Variants in INPP5A observed in about 807,000 individuals in gnomAD.
The protein encoded by INPP5A is 43 kDa inositol polyphosphate 5-phophatase.
In INPP5A, 14 loss-of-function variants were observed where a neutral mutation model predicts 65.2. That is an observed-to-expected ratio of 0.21 (90% confidence interval 0.14 to 0.34). The LOEUF is 0.34. Among genes scored for constraint, INPP5A ranks in the 10% least tolerant of loss-of-function variants. The pLI, the probability that INPP5A is intolerant of heterozygous loss-of-function variation, is 1.00. For synonymous variants in INPP5A, 207 were observed against 208.3 expected, an observed-to-expected ratio of 0.99 and a Z score of 0.05; for missense variants, 431 against 545.6, an observed-to-expected ratio of 0.79 and a Z score of 2.09.
Position 132,618,880 on chromosome 10 carries a change from T to C in INPP5A, c.117+10924T>C, listed in dbSNP as rs754351347. Among the ~76,000 whole-genome samples the C allele has an allele frequency of 2.6e-5, 4 of 152,204 alleles. 1 individual carries two copies. The highest frequency in any genetic ancestry group is 2.0e-4 in the Admixed American group (3 of 15,276). On this transcript the variant is annotated intron_variant, in intron 2 of 15. Coordinates refer to ENST00000368594, the MANE Select transcript of INPP5A (RefSeq NM_005539.5). Reference sequence around the variant, plus strand: ...AAGAACTCACTTATCACCAAGGGGATGGCCCAGTCCATTCAGGAGGCATCT... The same window carrying C: ...AAGAACTCACTTATCACCAAGGGGACGGCCCAGTCCATTCAGGAGGCATCT...
At chr10:132,613,732 C>A (rs1053437203) in intron 2 of INPP5A, among the ~76,000 whole-genome samples, 4 of 152,196 alleles carry the variant, frequency 2.6e-5, no homozygotes, top group Admixed American at 2.6e-4. Flanking sequence ...TGAGGGGCCT[C>A]GGGCTGGTGG....
chr10:132,749,951 C>T (rs982609451), intron 11 of INPP5A, 106 bp downstream of exon 11: 5 of 975,982 alleles, frequency 5.1e-6, no homozygotes, highest in Non-Finnish European at 8.2e-6. Context: ...TTGTCCCTGC[C>T]ACCTCCAGGA....
At chr10:132,635,672 C>T (rs112865347) in intron 2 of INPP5A, among the ~76,000 whole-genome samples, 3 of 151,902 alleles carry the variant, frequency 2.0e-5, no homozygotes, top group Non-Finnish European at 2.9e-5. Flanking sequence ...TGGGATTACA[C>T]GCATGAGCCA....
intron 12 of INPP5A, among the ~76,000 whole-genome samples, chr10:132,770,930 G>A (rs1012585731): frequency 2.0e-5 from 3 of 152,264 alleles, no homozygotes; most frequent in Admixed American, 6.5e-5. Flanking sequence ...TGGGGACGCC[G>A]CCAGCCTCTG....
At chr10:132,699,704 C>T (rs1845405877) in intron 6 of INPP5A, among the ~76,000 whole-genome samples, 1 of 152,114 alleles carries the variant, frequency 6.6e-6, no homozygotes, top group South Asian at 2.1e-4. Flanking sequence ...GCAGCGGGCC[C>T]TCAGCAAGGA....
At position 132,707,548 on chromosome 10, in the gene INPP5A, C is replaced by T. The variant is rs1010979905; in HGVS notation, c.475-765C>T. ...ATACACTTTGCACGCTCGGTGGCCC[C>T]GGTGGCTGGCCACTGCTGTACTGGG... is the stretch of plus-strand genomic sequence containing the variant. On this transcript the variant is annotated intron_variant, in intron 6 of 15. Coordinates refer to ENST00000368594, the MANE Select transcript of INPP5A (RefSeq NM_005539.5). The surrounding 1 kb of genome is among the most constrained non-coding windows in gnomAD (Gnocchi z 5.5). 3.9e-4 allele frequency among the ~76,000 whole-genome samples: 60 copies of T among 152,316 alleles called. No homozygotes were observed. Among genetic ancestry groups the T allele is most frequent in the African/African-American group, 1.2e-3 (51 of 41,564 alleles).
chr10:132,577,225 C>T (rs1564922024), intron 1 of INPP5A, among the ~76,000 whole-genome samples: 1 of 152,144 alleles, frequency 6.6e-6, no homozygotes, highest in Non-Finnish European at 1.5e-5. Flanking sequence ...GGGTTGCTCC[C>T]CCCCGGCACG....
intron 1 of INPP5A, among the ~76,000 whole-genome samples, chr10:132,607,256 C>G (rs1338850268): frequency 1.3e-5 from 2 of 152,232 alleles, no homozygotes; most frequent in Non-Finnish European, 2.9e-5. Flanking sequence ...CGATTCTGTC[C>G]AGGAGCTTCC....
rs553554332 is a variant in INPP5A at position 132,762,105 on chromosome 10, A to G, written c.904-3668A>G. 2.3e-3 allele frequency among the ~76,000 whole-genome samples: 343 copies of G among 152,338 alleles called. 2 individuals are homozygous for G. The highest frequency in any genetic ancestry group is 3.9e-3 in the Non-Finnish European group (262 of 68,036). ...TGGGGAATGGCCCAGAATGCAGCAC[A>G]GAAACGTGGCAGGATGGGACAGGAG... On this transcript the variant is annotated intron_variant, in intron 11 of 15. Transcript: ENST00000368594. The surrounding 1 kb of genome is among the most constrained non-coding windows in gnomAD (Gnocchi z 4.6).
Position 132,736,470 on chromosome 10 carries a change from G to A in INPP5A, c.732+9565G>A, listed in dbSNP as rs968517875. On this transcript the variant is annotated intron_variant, in intron 9 of 15. Coordinates refer to ENST00000368594, the MANE Select transcript of INPP5A (RefSeq NM_005539.5). Reference sequence around the variant, plus strand: ...GGGCCTGCAGGGGAATGGCCGTTGGGGGCGTTGACATCCAGAAGGAGCCGT... The same window carrying A: ...GGGCCTGCAGGGGAATGGCCGTTGGAGGCGTTGACATCCAGAAGGAGCCGT... 2.0e-5 allele frequency among the ~76,000 whole-genome samples: 3 copies of A among 152,394 alleles called. No individual in the cohort carries two copies. In the East Asian group the frequency reaches 5.8e-4, roughly 29 times the overall value.
intron 8 of INPP5A, among the ~76,000 whole-genome samples, chr10:132,712,850 G>C (rs1022156765): frequency 2.0e-5 from 3 of 150,724 alleles, no homozygotes; most frequent in African/African-American, 7.3e-5. Context: ...GTGTAGGCTT[G>C]TGTGGGGGTA....
intron 11 of INPP5A, among the ~76,000 whole-genome samples, chr10:132,764,449 G>GTGTGGTGA (rs1846794194): frequency 6.7e-6 from 1 of 149,472 alleles, no homozygotes; most frequent in Admixed American, 6.6e-5. Context: ...GGGAGGGTGT[G>GTGTGGTGA]CGTGGTGACA....
chr10:132,591,502 C>A (rs896394282), intron 1 of INPP5A, among the ~76,000 whole-genome samples: 10 of 152,194 alleles, frequency 6.6e-5, no homozygotes, highest in Non-Finnish European at 1.3e-4. Flanking sequence ...TTGTTCGTTT[C>A]CTTCAGGAAT....
At chr10:132,572,544 C>G (rs2071358480) in intron 1 of INPP5A, among the ~76,000 whole-genome samples, 1 of 151,874 alleles carries the variant, frequency 6.6e-6, no homozygotes, top group South Asian at 2.1e-4. Flanking sequence ...GGCTGCTTTC[C>G]CTGTGAAGCA....
chr10:132,565,599 A>T (rs2071262329), intron 1 of INPP5A, among the ~76,000 whole-genome samples: 1 of 152,074 alleles, frequency 6.6e-6, no homozygotes, highest in Admixed American at 6.6e-5. Context: ...TTGTGCATGT[A>T]TGTCACTGTG....
chr10:132,544,317 A>G (rs1482494615), intron 1 of INPP5A, among the ~76,000 whole-genome samples: 1 of 152,158 alleles, frequency 6.6e-6, no homozygotes, highest in African/African-American at 2.4e-5. Flanking sequence ...GGGCGTCCTC[A>G]TTTCGGAGGC....
intron 9 of INPP5A, among the ~76,000 whole-genome samples, chr10:132,739,694 A>G (rs1309294099): frequency 6.6e-6 from 1 of 152,224 alleles, no homozygotes; most frequent in Non-Finnish European, 1.5e-5. Context: ...CGTGTGTGCC[A>G]TAGGAAAGGA....
rs1256654256 is a variant in INPP5A, at chr10:132,551,146, C to G, written c.75+12975C>G. Among the ~76,000 whole-genome samples, 1 of 152,200 alleles carries G rather than the reference C, an allele frequency of 6.6e-6. No homozygotes were observed. Among genetic ancestry groups the G allele is most frequent in the Non-Finnish European group, 1.5e-5 (1 of 68,032 alleles). On this transcript the variant is annotated intron_variant, in intron 1 of 15. Coordinates refer to ENST00000368594, the MANE Select transcript of INPP5A (RefSeq NM_005539.5). The surrounding 1 kb of genome is among the most constrained non-coding windows in gnomAD (Gnocchi z 5.3). Reference sequence around the variant, plus strand: ...CTGGTGGGCAGCTGTGGAGCCTTATCCCTGAGCACCCTCCCTTGCCTACCT... The same window carrying G: ...CTGGTGGGCAGCTGTGGAGCCTTATGCCTGAGCACCCTCCCTTGCCTACCT...
intron 2 of INPP5A, among the ~76,000 whole-genome samples, chr10:132,628,021 G>C (rs1345321598): frequency 1.3e-5 from 2 of 152,168 alleles, no homozygotes; most frequent in Admixed American, 6.5e-5. Flanking sequence ...ACAGCACAGC[G>C]CTCTGATCAG....
Sources: gnomAD v4.1 joint callset for allele counts (sites outside exome capture counted in the v4.1 genomes callset) on GRCh38, gnomAD v4.1.1 for gene constraint, Gnocchi (gnomAD v3.1) non-coding constraint, MANE v1.5 for transcripts, NCBI Gene and HGNC (gene_info 2026-07-23, HGNC 2026-07-21) for gene names.